The following LINGO2 variants were observed in gnomAD, a reference collection of about 807,000 sequenced individuals.
LINGO2 encodes leucine-rich repeat and immunoglobulin-like domain-containing nogo receptor-interacting protein 2.
A neutral mutation model predicts 30.6 loss-of-function variants in LINGO2; 14 were observed. That is an observed-to-expected ratio of 0.46 (90% CI 0.30 to 0.72). The LOEUF (loss-of-function observed/expected upper bound fraction) is 0.72, where lower values mean the gene tolerates loss of function less well. Ranked by LOEUF, LINGO2 falls within the 30% of genes least tolerant of loss-of-function variation. The probability of loss-of-function intolerance (pLI) is 0.07; values close to 1 mark genes in which losing one functional copy is unlikely to be tolerated. For missense variants in LINGO2, 729 were observed against 751.7 expected (o/e 0.97, Z 0.35); for synonymous variants, 317 against 288.5 (o/e 1.10, Z -1.00).
the LINGO2 span, among the ~76,000 whole-genome samples, chr9:28,986,691 G>A: frequency 4.6e-5 from 7 of 151,856 alleles, no homozygotes; most frequent in African/African-American, 1.7e-4. Context: ...AAGTCAAAAA[G>A]GCATTTCATA....
chr9:27,989,549 C>A (rs1320699771), intron 5 of LINGO2, among the ~76,000 whole-genome samples: 1 of 151,710 alleles, frequency 6.6e-6, no homozygotes, highest in African/African-American at 2.4e-5. Context: ...TTCTGGCAGG[C>A]ACTAGGGGAT....
At chr9:29,083,761 AG>A in the LINGO2 span, among the ~76,000 whole-genome samples, 1 of 152,112 alleles carries the variant, frequency 6.6e-6, no homozygotes, top group African/African-American at 2.4e-5. Flanking sequence ...TTAGTTTGTA[AG>A]GGGTTGTACC....
chr9:28,725,143 C>T, the LINGO2 span, among the ~76,000 whole-genome samples: 1 of 151,684 alleles, frequency 6.6e-6, no homozygotes, highest in Non-Finnish European at 1.5e-5. Context: ...ATTTTACTTG[C>T]TCAAGGAAAT....
At chr9:29,086,974 C>T in the LINGO2 span, among the ~76,000 whole-genome samples, 11 of 151,704 alleles carry the variant, frequency 7.3e-5, no homozygotes, top group Non-Finnish European at 1.0e-4. Flanking sequence ...ATCTGCCTCC[C>T]GGGCAATTCT....
Position 28,188,783 on chromosome 9 carries a change from T to C in LINGO2, c.-87+106425A>G, listed in dbSNP as rs78958149. ...AATTAATAAATAATGCTATTCCTAC[T>C]GTCATGGGTCAAAGAGGTCTTATAG... On this transcript the variant is annotated intron_variant, in intron 4 of 5. Coordinates refer to ENST00000379992, the Ensembl canonical transcript of LINGO2. 2.8e-3 allele frequency among the ~76,000 whole-genome samples: 432 copies of C among 152,272 alleles called. 3 individuals are homozygous for C. The highest frequency in any genetic ancestry group is 4.8e-3 in the Non-Finnish European group (327 of 68,006).
At chr9:28,582,876 C>T (rs956281480) in intron 1 of LINGO2, among the ~76,000 whole-genome samples, 1 of 152,026 alleles carries the variant, frequency 6.6e-6, no homozygotes, top group African/African-American at 2.4e-5. Flanking sequence ...GAGTGAAAAA[C>T]ATACCGATGC....
the LINGO2 span, among the ~76,000 whole-genome samples, chr9:28,831,518 C>A: frequency 4.6e-5 from 7 of 151,922 alleles, no homozygotes; most frequent in African/African-American, 1.7e-4. Flanking sequence ...TAGTATAGAG[C>A]AGATTTAAAC....
chr9:29,072,895 G>A, the LINGO2 span, among the ~76,000 whole-genome samples: 1 of 151,200 alleles, frequency 6.6e-6, no homozygotes, highest in African/African-American at 2.4e-5. Context: ...TAGGGCATGT[G>A]CTCCTGCTTG....
At chr9:28,065,886 T>G (rs1360060164) in intron 4 of LINGO2, among the ~76,000 whole-genome samples, 1 of 151,982 alleles carries the variant, frequency 6.6e-6, no homozygotes. Flanking sequence ...CCAGAAATAT[T>G]AAATTGTTCA....
intron 4 of LINGO2, among the ~76,000 whole-genome samples, chr9:28,113,275 T>C (rs1188271771): frequency 4.4e-5 from 3 of 67,946 alleles, no homozygotes; most frequent in African/African-American, 6.0e-5. Context: ...TCTATATCTC[T>C]GTTTTGGTAC....
chr9:28,054,001 G>A (rs188753573), intron 4 of LINGO2, among the ~76,000 whole-genome samples: 2 of 151,870 alleles, frequency 1.3e-5, no homozygotes, highest in Non-Finnish European at 2.9e-5. Context: ...ACCAGTTGTC[G>A]AGGGCCTGTA....
At chr9:29,105,858 C>G in the LINGO2 span, among the ~76,000 whole-genome samples, 1 of 152,094 alleles carries the variant, frequency 6.6e-6, no homozygotes, top group Non-Finnish European at 1.5e-5. Context: ...GGAGACAGCA[C>G]AATAACAGAG....
In LINGO2 at chr9:28,598,413, C is replaced by T. The variant is rs375561988; in HGVS notation, c.-365+71787G>A. Among the ~76,000 whole-genome samples the T allele has an allele frequency of 4.6e-3, 432 of 94,256 alleles. 2 individuals carry two copies. Among genetic ancestry groups the T allele is most frequent in the Non-Finnish European group, 8.0e-3 (372 of 46,390 alleles). 61.8% of individuals were successfully genotyped at this position (94,256 alleles called of 152,430 possible). Reference sequence around the variant, plus strand: ...CTTTGGTAAAGAAGAATTTGTTCTCCATATCAAAAAAAAAAAAAAAACAAA... The same window carrying T: ...CTTTGGTAAAGAAGAATTTGTTCTCTATATCAAAAAAAAAAAAAAAACAAA... On this transcript the variant is annotated intron_variant, in intron 1 of 5. Transcript: ENST00000379992.
chr9:28,575,251 T>G (rs2135614355), intron 1 of LINGO2, among the ~76,000 whole-genome samples: 1 of 151,636 alleles, frequency 6.6e-6, no homozygotes, highest in South Asian at 2.1e-4. Context: ...ATACAAAAAT[T>G]AGCCTGCGCA....
chr9:28,710,459 T>A, the LINGO2 span, among the ~76,000 whole-genome samples: 1 of 152,122 alleles, frequency 6.6e-6, no homozygotes, highest in Non-Finnish European at 1.5e-5. Flanking sequence ...GTCATGCACA[T>A]AACTATTAGA....
At chr9:28,636,883 T>C (rs1052363715) in intron 1 of LINGO2, among the ~76,000 whole-genome samples, 4 of 152,222 alleles carry the variant, frequency 2.6e-5, no homozygotes, top group African/African-American at 9.6e-5. Context: ...GTTTTAGACA[T>C]GAGGTCCTTG....
chr9:28,848,899 T>C, the LINGO2 span, among the ~76,000 whole-genome samples: 10 of 152,118 alleles, frequency 6.6e-5, no homozygotes, highest in East Asian at 1.9e-3. Context: ...TATGTTGCAA[T>C]TCTAACCCCT....
chr9:29,010,914 G>A, the LINGO2 span, among the ~76,000 whole-genome samples: 1 of 151,998 alleles, frequency 6.6e-6, no homozygotes, highest in African/African-American at 2.4e-5. Flanking sequence ...AATAAAATAA[G>A]TGGTATAATA....
At chr9:29,135,558 C>A in the LINGO2 span, among the ~76,000 whole-genome samples, 1,938 of 107,920 alleles carry the variant, frequency 0.018, 29 homozygotes, top group African/African-American at 0.059. Flanking sequence ...ATTCCATCTC[C>A]AAAAAAAAAA....
Sources: gnomAD v4.1 joint callset for allele counts (sites outside exome capture counted in the v4.1 genomes callset) on GRCh38, gnomAD v4.1.1 for gene constraint, MANE v1.5 for transcripts, NCBI Gene and HGNC (gene_info 2026-07-23, HGNC 2026-07-21) for gene names.